MGAT4C: variants seen among roughly 807,000 people sequenced by gnomAD.
MGAT4C encodes alpha-1,3-mannosyl-glycoprotein 4-beta-N-acetylglucosaminyltransferase C.
In MGAT4C, 19 loss-of-function variants were observed where a neutral mutation model predicts 40.1. The ratio of observed to expected loss-of-function variants is 0.47; its 90% CI spans 0.33 to 0.70. The LOEUF (loss-of-function observed/expected upper bound fraction) is 0.70, where lower values mean the gene tolerates loss of function less well. Ranked by LOEUF, MGAT4C falls within the 30% of genes least tolerant of loss-of-function variation. The pLI is 0.02. For synonymous variants in MGAT4C, 181 were observed against 187.1 expected (o/e 0.97, Z 0.27); for missense variants, 491 against 563.2 (o/e 0.87, Z 1.30).
rs1411496709 is a variant in MGAT4C, at chr12:85,960,013, G to T, written c.*19276C>A. The T allele has an allele frequency of 6.6e-6, 1 of 151,846 alleles. No homozygotes were observed. Among genetic ancestry groups the T allele is most frequent in the Non-Finnish European group, 1.5e-5 (1 of 67,900 alleles). The allele number at this position is 151,846 out of a possible 1,614,324, so 9.4% of individuals were successfully genotyped here. A position where few individuals can be genotyped will look rare whatever the true frequency, so the allele number is the denominator to read the frequency against. ...TTTATTGTGAAGATCTGTGCAAATA[G>T]CTATATAAAATGCAATTCGGTATTA... On this transcript the variant is annotated 3_prime_UTR_variant, in exon 5 of 5. Transcript: ENST00000611864.
intron 3 of MGAT4C, among the ~76,000 whole-genome samples, chr12:86,429,790 T>G (rs996400955): frequency 6.6e-6 from 1 of 152,184 alleles, no homozygotes; most frequent in African/African-American, 2.4e-5. Flanking sequence ...AAGACCTTCA[T>G]GCTTTCTGTA....
rs1555196967 is a variant in MGAT4C, at chr12:85,971,820, CCT to C, written c.*7467_*7468del. 1 of 151,054 alleles carries C rather than the reference CCT, an allele frequency of 6.6e-6. No homozygotes were observed. The highest frequency in any genetic ancestry group is 1.5e-5 in the Non-Finnish European group (1 of 67,286). 9.4% of individuals were successfully genotyped at this position (151,054 alleles called of 1,614,324 possible). ...TTTACCTCATGTTTGTAACATTTCC[CCT>C]GTTGTTATTTTTACACATCTGGATG... On this transcript the variant is annotated 3_prime_UTR_variant, in exon 5 of 5. Coordinates refer to ENST00000611864, the MANE Select transcript of MGAT4C (RefSeq NM_001351288.2).
chr12:86,715,801 T>C (rs1315967762), intron 2 of MGAT4C, among the ~76,000 whole-genome samples: 5 of 152,154 alleles, frequency 3.3e-5, no homozygotes, highest in Admixed American at 6.6e-5. Flanking sequence ...ATTCTGTGTA[T>C]GAATGGTTAA....
chr12:86,726,412 A>G (rs763371137), intron 2 of MGAT4C, among the ~76,000 whole-genome samples: 8 of 152,204 alleles, frequency 5.3e-5, no homozygotes, highest in Non-Finnish European at 1.2e-4. Context: ...TGTGGTTGAC[A>G]ATACGATATT....
chr12:86,648,146 T>A (rs1963596315), intron 2 of MGAT4C, among the ~76,000 whole-genome samples: 1 of 151,942 alleles, frequency 6.6e-6, no homozygotes, highest in Admixed American at 6.6e-5. Flanking sequence ...GGGTTATTTA[T>A]TCAATTATTT....
chr12:86,425,794 A>G (rs1956914331), intron 3 of MGAT4C, among the ~76,000 whole-genome samples: 1 of 152,194 alleles, frequency 6.6e-6, no homozygotes, highest in Non-Finnish European at 1.5e-5. Flanking sequence ...CTTTATCAAT[A>G]TCTTGGGTAT....
intron 2 of MGAT4C, among the ~76,000 whole-genome samples, chr12:86,504,623 C>T (rs1394278884): frequency 6.6e-6 from 1 of 152,298 alleles, no homozygotes; most frequent in Admixed American, 6.5e-5. Context: ...CACTGGGATA[C>T]ATTGCCCTTC....
At chr12:86,465,904 G>A (rs139534855) in intron 2 of MGAT4C, among the ~76,000 whole-genome samples, 9 of 151,974 alleles carry the variant, frequency 5.9e-5, no homozygotes, top group South Asian at 4.1e-4. Context: ...TTGAAAATAC[G>A]TCCCATCAAA....
chr12:86,566,076 C>T (rs919121044), intron 2 of MGAT4C, among the ~76,000 whole-genome samples: 4 of 152,084 alleles, frequency 2.6e-5, no homozygotes, highest in African/African-American at 9.7e-5. Context: ...TCTTCTATCA[C>T]GGAAAGGGCA....
intron 4 of MGAT4C, among the ~76,000 whole-genome samples, chr12:86,321,262 CCACTT>C (rs1273535040): frequency 6.6e-6 from 1 of 151,988 alleles, no homozygotes; most frequent in Non-Finnish European, 1.5e-5. Flanking sequence ...AGATAAAAGA[CCACTT>C]CAGTTACATT....
At chr12:86,473,313 G>A (rs1165662065) in intron 2 of MGAT4C, among the ~76,000 whole-genome samples, 2 of 152,094 alleles carry the variant, frequency 1.3e-5, no homozygotes, top group African/African-American at 4.8e-5. Flanking sequence ...CAAGAAATCC[G>A]AAATGACATC....
intron 1 of MGAT4C, chr12:86,745,218 T>C (rs1313760481): frequency 1.3e-5 from 2 of 151,562 alleles, no homozygotes; most frequent in Non-Finnish European, 3.0e-5. Flanking sequence ...CTGAAAGACA[T>C]TTCATCTTTT....
At chr12:86,150,138 C>G (rs1884089981) in intron 1 of MGAT4C, among the ~76,000 whole-genome samples, 1 of 152,134 alleles carries the variant, frequency 6.6e-6, no homozygotes, top group African/African-American at 2.4e-5. Context: ...CAACCTAAAT[C>G]CCTCTCATGA....
At chr12:86,722,299 T>C (rs1950750120) in intron 2 of MGAT4C, among the ~76,000 whole-genome samples, 1 of 152,062 alleles carries the variant, frequency 6.6e-6, no homozygotes. Flanking sequence ...TTCCCAAAGA[T>C]CCTAAAGGAC....
intron 2 of MGAT4C, among the ~76,000 whole-genome samples, chr12:86,026,041 G>A (rs1027787081): frequency 2.6e-5 from 4 of 151,682 alleles, no homozygotes; most frequent in African/African-American, 7.3e-5. Flanking sequence ...AGTTATGATG[G>A]TGTATTTGTG....
intron 2 of MGAT4C, among the ~76,000 whole-genome samples, chr12:85,994,754 G>T (rs1033191451): frequency 1.6e-4 from 24 of 152,258 alleles, no homozygotes; most frequent in East Asian, 3.9e-4. Flanking sequence ...TCCGGGATTA[G>T]TCCATATTTT....
At chr12:86,159,049 G>T (rs568516462) in intron 1 of MGAT4C, among the ~76,000 whole-genome samples, 1 of 152,222 alleles carries the variant, frequency 6.6e-6, no homozygotes, top group South Asian at 2.1e-4. Context: ...GACTGCTCTG[G>T]CTAGGACTTC....
At chr12:86,425,417 C>G (rs1413150242) in intron 3 of MGAT4C, among the ~76,000 whole-genome samples, 1 of 152,108 alleles carries the variant, frequency 6.6e-6, no homozygotes, top group Non-Finnish European at 1.5e-5. Context: ...CTTGCTCTGT[C>G]TCTCCTGCCA....
At chr12:86,140,104 C>T (rs1239920752) in intron 1 of MGAT4C, among the ~76,000 whole-genome samples, 5 of 151,986 alleles carry the variant, frequency 3.3e-5, no homozygotes, top group Admixed American at 1.3e-4. Context: ...CTTTTTTCTG[C>T]CCCAAGGCCT....
Sources: gnomAD v4.1 joint callset for allele counts (sites outside exome capture counted in the v4.1 genomes callset) on GRCh38, gnomAD v4.1.1 for gene constraint, MANE v1.5 for transcripts, NCBI Gene and HGNC (gene_info 2026-07-23, HGNC 2026-07-21) for gene names.